The following TMEM266 variants were observed in gnomAD, a reference collection of about 807,000 sequenced individuals.
TMEM266 encodes the protein Hv1 related protein 1.
In TMEM266, 33 loss-of-function variants were observed where a neutral mutation model predicts 50.5. The ratio of observed to expected loss-of-function variants is 0.65; its 90% CI spans 0.50 to 0.87. The LOEUF is 0.87. Among genes scored for constraint, TMEM266 ranks in the 40% least tolerant of loss-of-function variants. The pLI is 0.00. For synonymous variants in TMEM266, 310 were observed against 292.3 expected (o/e 1.06, Z -0.62); for missense variants, 655 against 695.1 (o/e 0.94, Z 0.65).
In TMEM266 at chr15:76,204,365, C is replaced by T. The variant is rs1467929855; in HGVS notation, c.*50C>T. Reference sequence around the variant, plus strand: ...GAGGGGAGACAGCCATCTCAAAGCTCTCCTGGGACCCTGGAGGCTGCCAAG... The same window carrying T: ...GAGGGGAGACAGCCATCTCAAAGCTTTCCTGGGACCCTGGAGGCTGCCAAG... On this transcript the variant is annotated 3_prime_UTR_variant, in exon 11 of 11. Transcript: ENST00000388942. The T allele has an allele frequency of 2.6e-6, 4 of 1,518,400 alleles. No individual in the cohort carries two copies. Among genetic ancestry groups the T allele is most frequent in the Non-Finnish European group, 2.7e-6 (3 of 1,122,812 alleles). The allele number at this position is 1,518,400 out of a possible 1,614,324, so 94.1% of individuals were successfully genotyped here.
At chr15:76,085,511 C>G (rs752853343) in intron 1 of TMEM266, among the ~76,000 whole-genome samples, 15 of 152,102 alleles carry the variant, frequency 9.9e-5, no homozygotes, top group Non-Finnish European at 1.9e-4. Context: ...CCACCTGCCT[C>G]AGCCTCCCAA....
At chr15:76,084,811 C>T (rs143574834) in intron 1 of TMEM266, among the ~76,000 whole-genome samples, 2,515 of 151,540 alleles carry the variant, frequency 0.017, 74 homozygotes, top group African/African-American at 0.058. Context: ...CCATATTGGC[C>T]AGGCTGGTCT....
intron 1 of TMEM266, among the ~76,000 whole-genome samples, chr15:76,080,490 C>A (rs947636491): frequency 6.6e-6 from 1 of 151,312 alleles, no homozygotes; most frequent in East Asian, 2.0e-4. Context: ...ACCTTGTGAT[C>A]CGCCCGCCTT....
chr15:76,126,969 A>T (rs900737969), intron 1 of TMEM266, among the ~76,000 whole-genome samples: 1 of 152,210 alleles, frequency 6.6e-6, no homozygotes, highest in Non-Finnish European at 1.5e-5. Flanking sequence ...CTTCAGTTAT[A>T]AAATGAATAC....
chr15:76,189,934 C>T (rs1348754211), intron 8 of TMEM266, among the ~76,000 whole-genome samples: 3 of 152,248 alleles, frequency 2.0e-5, no homozygotes, highest in East Asian at 3.8e-4. Flanking sequence ...AAGCTGAAAA[C>T]CTGCAGTCCC....
intron 1 of TMEM266, among the ~76,000 whole-genome samples, chr15:76,132,426 A>G (rs959956764): frequency 1.3e-5 from 2 of 152,102 alleles, no homozygotes; most frequent in Admixed American, 6.5e-5. Flanking sequence ...CCAGTTTTTA[A>G]GAGTATATTC....
rs768682211 is a variant in TMEM266 at position 76,156,643 on chromosome 15, C to G, written c.267C>G (p.Ala89=). 6.2e-7 allele frequency: 1 copy of G among 1,614,040 alleles called. No homozygotes were observed. Among genetic ancestry groups the G allele is most frequent in the African/African-American group, 1.3e-5 (1 of 74,926 alleles). Reference sequence around the variant, plus strand: ...AGCCGTGCTGTGGGAAGAGAGCAGCCGTGTGGCAGGTATTTTTGCTCAGTG... The same window carrying G: ...AGCCGTGCTGTGGGAAGAGAGCAGCGGTGTGGCAGGTATTTTTGCTCAGTG... The change falls in exon 4 of 11, where the codon GCC becomes GCG. Residue 89 remains alanine, a synonymous_variant. Coordinates refer to ENST00000388942, the MANE Select transcript of TMEM266 (RefSeq NM_152335.3).
chr15:76,165,512 G>T (rs1250652880), intron 5 of TMEM266, among the ~76,000 whole-genome samples: 1 of 152,262 alleles, frequency 6.6e-6, no homozygotes, highest in African/African-American at 2.4e-5. Context: ...CTTCGCTCCA[G>T]GTGGGAAAGG....
chr15:76,190,604 G>A (rs760841907), intron 8 of TMEM266, among the ~76,000 whole-genome samples: 1 of 152,108 alleles, frequency 6.6e-6, no homozygotes, highest in African/African-American at 2.4e-5. Context: ...ATGTTGGGGT[G>A]GGGGAAAGGG....
At chr15:76,098,652 C>T (rs1195268530) in intron 1 of TMEM266, among the ~76,000 whole-genome samples, 1 of 152,074 alleles carries the variant, frequency 6.6e-6, no homozygotes, top group Non-Finnish European at 1.5e-5. Context: ...CAGGCAGGGA[C>T]GTTTAAGTCT....
chr15:76,174,393 A>AT (rs1244255333), intron 7 of TMEM266, among the ~76,000 whole-genome samples: 1 of 151,982 alleles, frequency 6.6e-6, no homozygotes, highest in African/African-American at 2.4e-5. Context: ...TCTACTAAAA[A>AT]TACAAAAATT....
At chr15:76,113,633 G>C (rs372662899) in intron 1 of TMEM266, 75 of 152,342 alleles carry the variant, frequency 4.9e-4, no homozygotes, top group African/African-American at 1.8e-3. Flanking sequence ...TGAAGCACCG[G>C]GCACGGTGGC....
At chr15:76,198,957 A>G (rs2038698674) in intron 9 of TMEM266, among the ~76,000 whole-genome samples, 1 of 87,286 alleles carries the variant, frequency 1.1e-5, no homozygotes, top group African/African-American at 3.2e-5. Flanking sequence ...GAGCAAGTGC[A>G]GACTGAAAAG....
At chr15:76,126,816 A>T (rs2037431010) in intron 1 of TMEM266, among the ~76,000 whole-genome samples, 1 of 152,212 alleles carries the variant, frequency 6.6e-6, no homozygotes, top group Non-Finnish European at 1.5e-5. Context: ...GGCGTGAGCC[A>T]CTGTGCCCAG....
At chr15:76,173,706 G>T (rs570325610) in intron 7 of TMEM266, among the ~76,000 whole-genome samples, 1 of 152,276 alleles carries the variant, frequency 6.6e-6, no homozygotes, top group African/African-American at 2.4e-5. Context: ...GCTGAGGCAG[G>T]CAGATCACCT....
At chr15:76,092,451 A>T (rs2036861412) in intron 1 of TMEM266, among the ~76,000 whole-genome samples, 1 of 152,048 alleles carries the variant, frequency 6.6e-6, no homozygotes, top group South Asian at 2.1e-4. Flanking sequence ...GCACTTTGGG[A>T]GGCCGAGGCG....
intron 1 of TMEM266, among the ~76,000 whole-genome samples, chr15:76,133,912 G>A (rs570775864): frequency 6.6e-6 from 1 of 152,194 alleles, no homozygotes; most frequent in African/African-American, 2.4e-5. Context: ...AGAGAACCTG[G>A]GCACTAACCT....
intron 1 of TMEM266, among the ~76,000 whole-genome samples, chr15:76,105,407 C>T (rs538581281): frequency 6.6e-6 from 1 of 152,324 alleles, no homozygotes; most frequent in Non-Finnish European, 1.5e-5. Flanking sequence ...TTGCTCATCC[C>T]TTTCTCGAAT....
At chr15:76,123,446 C>T (rs959210675) in intron 1 of TMEM266, among the ~76,000 whole-genome samples, 3 of 152,190 alleles carry the variant, frequency 2.0e-5, no homozygotes, top group Non-Finnish European at 4.4e-5. Flanking sequence ...AACTGAACCT[C>T]ACATGCATGC....
Sources: allele counts gnomAD v4.1 joint callset (sites outside exome capture counted in the v4.1 genomes callset), GRCh38; gene constraint gnomAD v4.1.1; transcripts MANE v1.5; gene names NCBI Gene and HGNC (gene_info 2026-07-23, HGNC 2026-07-21).